The following RNASEH2B variants were observed in gnomAD, a reference collection of about 807,000 sequenced individuals.
The protein encoded by RNASEH2B is ribonuclease H2 subunit B, also known as Aicardi-Goutieres syndrome 2 protein.
Under a neutral mutation model 45.0 loss-of-function variants are expected in RNASEH2B, and 36 were observed. The ratio of observed to expected loss-of-function variants is 0.80; its 90% CI spans 0.61 to 1.06. The LOEUF is 1.06. Among genes scored for constraint, RNASEH2B ranks in the 50% least tolerant of loss-of-function variants. The pLI, the probability that RNASEH2B is intolerant of heterozygous loss-of-function variation, is 0.00. For missense variants in RNASEH2B, 361 were observed against 360.3 expected, an observed-to-expected ratio of 1.00 and a Z score of -0.02; for synonymous variants, 119 against 125.7, an observed-to-expected ratio of 0.95 and a Z score of 0.35.
intron 1 of RNASEH2B, chr13:50,911,979 T>C (rs1879428807): frequency 6.6e-6 from 1 of 152,206 alleles, no homozygotes; most frequent in Non-Finnish European, 1.5e-5. Context: ...AAATATTGAT[T>C]GTATCCCTGA....
At chr13:50,935,029 G>T (rs1280991138) in intron 5 of RNASEH2B, 30 bp downstream of exon 5, 1 of 1,433,834 alleles carries the variant, frequency 7.0e-7, no homozygotes, top group Non-Finnish European at 9.8e-7. Context: ...CTTATGGCTG[G>T]TAGAAAGGAT....
intron 5 of RNASEH2B, chr13:50,942,482 T>C (rs141725674): frequency 6.6e-6 from 1 of 152,308 alleles, no homozygotes; most frequent in Non-Finnish European, 1.5e-5. Context: ...TTTTCCTGAA[T>C]GTATGTAGTG....
chr13:50,915,214 T>G (rs1369215778), intron 1 of RNASEH2B: 1 of 391,076 alleles, frequency 2.6e-6, no homozygotes, highest in Admixed American at 4.4e-5. Flanking sequence ...CTGCAATGTC[T>G]TTGCTTATTC....
At chr13:50,910,358 G>C (rs745585144) in intron 1 of RNASEH2B, 23 of 392,472 alleles carry the variant, frequency 5.9e-5, no homozygotes, top group Non-Finnish European at 8.1e-5. Context: ...CGTGTTTCCC[G>C]GGCCCTGATC....
In RNASEH2B at chr13:50,909,983, C is replaced by A; in HGVS notation, c.-94C>A. On this transcript the variant is annotated 5_prime_UTR_variant, in exon 1 of 11. Transcript: ENST00000336617. ...GCCGGTCCCTCAGCGCGCCGCGCCA[C>A]CCGGAACAGACCCTTCTCCCGCCAT... 8.5e-7 allele frequency: 1 copy of A among 1,179,788 alleles called. No homozygotes were observed. Among genetic ancestry groups the A allele is most frequent in the Non-Finnish European group, 1.2e-6 (1 of 862,402 alleles). The allele number at this position is 1,179,788 out of a possible 1,614,324, so 73.1% of individuals were successfully genotyped here.
intron 8 of RNASEH2B, chr13:50,948,393 G>C (rs1314581247): frequency 4.5e-6 from 1 of 219,864 alleles, no homozygotes; most frequent in Non-Finnish European, 9.1e-6. Flanking sequence ...AGGAAGAAAG[G>C]AGGGATGGAA....
chr13:50,936,057 G>A (rs1198012556), intron 5 of RNASEH2B: 1 of 152,376 alleles, frequency 6.6e-6, no homozygotes, highest in Non-Finnish European at 1.5e-5. Context: ...CTCGGTTTGT[G>A]CCTGACCCAA....
chr13:50,969,754 C>T (rs1199217479), intron 9 of RNASEH2B, among the ~76,000 whole-genome samples: 4 of 152,064 alleles, frequency 2.6e-5, no homozygotes, highest in East Asian at 1.9e-4. Context: ...AGGCTGGCCA[C>T]GATGGGAACC....
chr13:50,918,402 G>T (rs573928326), intron 1 of RNASEH2B, among the ~76,000 whole-genome samples: 1 of 152,346 alleles, frequency 6.6e-6, no homozygotes, highest in Non-Finnish European at 1.5e-5. Flanking sequence ...CTCCCAAAGT[G>T]TTGGGATTAC....
intron 10 of RNASEH2B, 78 bp downstream of exon 10, chr13:50,954,063 C>T (rs1952011686): frequency 1.5e-5 from 13 of 866,294 alleles, no homozygotes; most frequent in Middle Eastern, 2.2e-4. Flanking sequence ...AACAGTTGCA[C>T]GCTTGATTGT....
intron 2 of RNASEH2B, chr13:50,928,301 A>G (rs1951628888): frequency 6.6e-6 from 1 of 152,196 alleles, no homozygotes; most frequent in Admixed American, 6.5e-5. Flanking sequence ...CCTTGTTGTT[A>G]TAGAGACATG....
At chr13:50,964,147 C>T (rs754285631) in intron 9 of RNASEH2B, among the ~76,000 whole-genome samples, 1 of 151,706 alleles carries the variant, frequency 6.6e-6, no homozygotes, top group African/African-American at 2.4e-5. Context: ...TGCAGTGAGC[C>T]GAGATCACAC....
At chr13:50,918,434 G>A (rs565499136) in intron 1 of RNASEH2B, among the ~76,000 whole-genome samples, 1 of 152,188 alleles carries the variant, frequency 6.6e-6, no homozygotes, top group African/African-American at 2.4e-5. Context: ...ACTGCGCCCG[G>A]CCTCTAATTT....
intron 7 of RNASEH2B, among the ~76,000 whole-genome samples, 168 bp from the exon 8 acceptor site, chr13:50,947,819 T>A (rs1267680800): frequency 6.6e-6 from 1 of 152,108 alleles, no homozygotes; most frequent in East Asian, 1.9e-4. Context: ...GTCTGACCGA[T>A]AGATATTACT....
At chr13:50,913,225 G>T (rs943009936) in intron 1 of RNASEH2B, 1 of 152,132 alleles carries the variant, frequency 6.6e-6, no homozygotes, top group Non-Finnish European at 1.5e-5. Flanking sequence ...TCTATAAGAG[G>T]CCATTACTTT....
downstream of RNASEH2B, chr13:50,960,155 C>A: frequency 8.7e-7 from 1 of 1,147,494 alleles, no homozygotes; most frequent in Non-Finnish European, 1.1e-6. Flanking sequence ...CTAGGTCTAC[C>A]AACTGGTCAT....
At chr13:50,946,508 A>G (rs1363648970) in intron 7 of RNASEH2B, among the ~76,000 whole-genome samples, 1 of 152,166 alleles carries the variant, frequency 6.6e-6, no homozygotes, top group Non-Finnish European at 1.5e-5. Flanking sequence ...GGCTTTAACA[A>G]TAGAAGATGA....
chr13:50,927,271 A>G (rs555269633), intron 1 of RNASEH2B, 136 bp from the exon 2 acceptor site: 1 of 633,140 alleles, frequency 1.6e-6, no homozygotes, highest in African/African-American at 1.8e-5. Context: ...TCAAGATCAC[A>G]ACATTTGTAA....
At chr13:50,945,067 A>T (rs184529012) in intron 6 of RNASEH2B, among the ~76,000 whole-genome samples, 4 of 152,008 alleles carry the variant, frequency 2.6e-5, no homozygotes, top group Non-Finnish European at 5.9e-5. Flanking sequence ...GGTGAATGCT[A>T]TTTTTTTCCC....
Sources: gnomAD v4.1 joint callset for allele counts (sites outside exome capture counted in the v4.1 genomes callset) on GRCh38, gnomAD v4.1.1 for gene constraint, MANE v1.5 for transcripts, NCBI Gene and HGNC (gene_info 2026-07-23, HGNC 2026-07-21) for gene names.